The following RELCH variants were observed in gnomAD, a reference collection of about 807,000 sequenced individuals.
RELCH encodes RAB11-binding protein RELCH.
A neutral mutation model predicts 150.3 loss-of-function variants in RELCH; 41 were observed. The observed-to-expected ratio is 0.27, with a 90% confidence interval of 0.21 to 0.35. The LOEUF is 0.35. Ranked by LOEUF, RELCH falls within the 10% of genes least tolerant of loss-of-function variation. RELCH has a pLI of 1.00. For synonymous variants in RELCH, 478 were observed against 531.8 expected (o/e 0.90, Z 1.39); for missense variants, 1,092 against 1,467.8 (o/e 0.74, Z 4.18).
intron 24 of RELCH, 28 bp downstream of exon 24, chr18:62,280,737 C>T: frequency 1.4e-6 from 2 of 1,422,462 alleles, no homozygotes; most frequent in Non-Finnish European, 2.0e-6. Context: ...TTATTTATGT[C>T]TGTGTAATAT....
chr18:62,224,480 A>C (rs1392664664), intron 5 of RELCH, among the ~76,000 whole-genome samples: 5 of 152,158 alleles, frequency 3.3e-5, no homozygotes, highest in Admixed American at 6.6e-5. Flanking sequence ...AAGAAATAAC[A>C]GTCCTTATTC....
intron 12 of RELCH, among the ~76,000 whole-genome samples, chr18:62,254,261 T>C (rs2042879865): frequency 6.6e-6 from 1 of 152,166 alleles, no homozygotes. Context: ...ATTGGGTCTT[T>C]TAAAATTTCT....
rs868761079 is a variant in RELCH at position 62,228,119 on chromosome 18, T to G, written c.1155-186T>G. Reference sequence around the variant, plus strand: ...TTTTTATGCTTCATTCTTGAGTTTATAGCTACAGTTTTAGGTATATGAAGC... The same window carrying G: ...TTTTTATGCTTCATTCTTGAGTTTAGAGCTACAGTTTTAGGTATATGAAGC... On this transcript the variant is annotated intron_variant, in intron 7 of 28. Coordinates refer to ENST00000644646, the MANE Select transcript of RELCH (RefSeq NM_001346231.2). 6.6e-5 allele frequency among the ~76,000 whole-genome samples: 10 copies of G among 152,254 alleles called. No homozygotes were observed. In the Middle Eastern group the frequency reaches 0.01, roughly 155 times the overall value.
intron 1 of RELCH, among the ~76,000 whole-genome samples, chr18:62,196,463 C>G (rs2039056736): frequency 1.3e-5 from 2 of 152,178 alleles, no homozygotes; most frequent in African/African-American, 2.4e-5. Flanking sequence ...TTCCTGGCCT[C>G]AAGTGATCCA....
chr18:62,286,795 T>A (rs1284453581), intron 25 of RELCH, among the ~76,000 whole-genome samples: 1 of 152,212 alleles, frequency 6.6e-6, no homozygotes, highest in African/African-American at 2.4e-5. Context: ...AAATTTTATG[T>A]TACTCTTTGA....
chr18:62,303,172 T>A (rs1009247441), intron 28 of RELCH, among the ~76,000 whole-genome samples: 1 of 152,126 alleles, frequency 6.6e-6, no homozygotes, highest in Admixed American at 6.5e-5. Flanking sequence ...TGATTTTTTT[T>A]TTTTAACTGA....
chr18:62,257,873 C>A, intron 13 of RELCH, 75 bp from the exon 14 acceptor site: 2 of 1,137,710 alleles, frequency 1.8e-6, no homozygotes, highest in Non-Finnish European at 2.5e-6. Context: ...TTTGACCACA[C>A]TGATGTTTGT....
At chr18:62,241,955 A>G (rs185305956) in intron 10 of RELCH, among the ~76,000 whole-genome samples, 19 of 152,306 alleles carry the variant, frequency 1.2e-4, no homozygotes, top group Admixed American at 3.3e-4. Context: ...TAATTGAGAA[A>G]TTAGCATATT....
At chr18:62,303,945 G>A (rs1396503574) in intron 28 of RELCH, among the ~76,000 whole-genome samples, 1 of 152,188 alleles carries the variant, frequency 6.6e-6, no homozygotes, top group Non-Finnish European at 1.5e-5. Flanking sequence ...TATTAGCCAT[G>A]GAAGTAAAAA....
intron 1 of RELCH, among the ~76,000 whole-genome samples, chr18:62,208,538 A>G (rs2039959066): frequency 6.6e-6 from 1 of 152,020 alleles, no homozygotes; most frequent in South Asian, 2.1e-4. Context: ...TCGGGGGTGC[A>G]TGTGCAGGTT....
At chr18:62,204,505 G>T (rs570360322) in intron 1 of RELCH, among the ~76,000 whole-genome samples, 5 of 151,840 alleles carry the variant, frequency 3.3e-5, no homozygotes, top group Non-Finnish European at 5.9e-5. Context: ...CTAATTTTTC[G>T]ATTTTTTGTA....
intron 22 of RELCH, chr18:62,277,921 A>C: frequency 1.2e-6 from 1 of 866,484 alleles, no homozygotes; most frequent in Non-Finnish European, 1.4e-6. Context: ...CAAAGAGGTC[A>C]TGGACTTTAA....
chr18:62,240,149 A>G (rs937356916), intron 10 of RELCH, among the ~76,000 whole-genome samples: 5 of 151,960 alleles, frequency 3.3e-5, no homozygotes, highest in Admixed American at 6.6e-5. Flanking sequence ...TTATATTTGT[A>G]TATAATCTTG....
chr18:62,279,407 C>T lies in RELCH; in HGVS notation c.2968-367C>T, dbSNP rs1217531500. ...TGTTGGTCATGATAAAAGCATACCA[C>T]CCTTACTTTGAGAATTTTAACCATA... is the stretch of plus-strand genomic sequence containing the variant. On this transcript the variant is annotated intron_variant, in intron 22 of 28. Coordinates refer to ENST00000644646, the MANE Select transcript of RELCH (RefSeq NM_001346231.2). 2.0e-5 allele frequency among the ~76,000 whole-genome samples: 3 copies of T among 152,120 alleles called. No individual in the cohort carries two copies. The East Asian group carries it at 5.8e-4, about 29-fold the overall frequency.
At chr18:62,250,326 T>TACA (rs1346765557) in intron 11 of RELCH, among the ~76,000 whole-genome samples, 2 of 152,244 alleles carry the variant, frequency 1.3e-5, no homozygotes, top group Non-Finnish European at 2.9e-5. Flanking sequence ...TGAAGCTCTA[T>TACA]ACAAGTGTGC....
At chr18:62,245,306 A>G (rs953453160) in intron 11 of RELCH, among the ~76,000 whole-genome samples, 9 of 152,208 alleles carry the variant, frequency 5.9e-5, no homozygotes, top group African/African-American at 1.9e-4. Flanking sequence ...AAATCTTTGA[A>G]AAGGAATTCT....
At position 62,291,448 on chromosome 18, in the gene RELCH, A is replaced by G. The variant is rs1336448263; in HGVS notation, c.3371-95A>G. ...GTGATCACTATGCCATAGGTATGAT[A>G]TAAGAAGGCTTCTCTTTTATATGTA... On this transcript the variant is annotated intron_variant, in intron 26 of 28. Coordinates refer to ENST00000644646, the MANE Select transcript of RELCH (RefSeq NM_001346231.2). 3 of 639,372 alleles carry G rather than the reference A, an allele frequency of 4.7e-6. No homozygotes were observed. The African/African-American group carries it at 5.7e-5, about 12-fold the overall frequency. The allele number at this position is 639,372 out of a possible 1,614,324, so 39.6% of individuals were successfully genotyped here.
chr18:62,263,305 T>C (rs886864514), intron 16 of RELCH, among the ~76,000 whole-genome samples: 3 of 152,076 alleles, frequency 2.0e-5, no homozygotes, highest in Non-Finnish European at 2.9e-5. Context: ...GGAGATTAGA[T>C]AGAACAGTAT....
rs574850534 is a variant in RELCH at position 62,232,176 on chromosome 18, TGC to T, written c.1525-155_1525-154del. Among the ~76,000 whole-genome samples, 309 of 137,908 alleles carry T rather than the reference TGC, an allele frequency of 2.2e-3. 4 individuals carry two copies. The highest frequency in any genetic ancestry group is 8.2e-3 in the African/African-American group (299 of 36,416). The allele number at this position is 137,908 out of a possible 152,430, so 90.5% of individuals were successfully genotyped here. A position where few individuals can be genotyped will look rare whatever the true frequency, so the allele number is the denominator to read the frequency against. On this transcript the variant is annotated intron_variant, in intron 9 of 28. Coordinates refer to ENST00000644646, the MANE Select transcript of RELCH (RefSeq NM_001346231.2). ...CTGTTGCTGTTGTTGCTGCTGCTGC[TGC>T]TGTTGTTGTTGTTGTTGTTGTTGTT...
Sources: allele counts gnomAD v4.1 joint callset (sites outside exome capture counted in the v4.1 genomes callset), GRCh38; gene constraint gnomAD v4.1.1; transcripts MANE v1.5; gene names NCBI Gene and HGNC (gene_info 2026-07-23, HGNC 2026-07-21).